Variants in NOTCH2NLR observed in about 807,000 individuals in gnomAD.
The protein encoded by NOTCH2NLR is notch 2 N-terminal like R (pseudogene).
Under a neutral mutation model 35.6 loss-of-function variants are expected in NOTCH2NLR, and 33 were observed. That is an observed-to-expected ratio of 0.93 (90% confidence interval 0.70 to 1.24). The LOEUF is 1.24. Ranked by LOEUF, NOTCH2NLR falls within the 50% of genes most tolerant of loss-of-function variation. The pLI is 0.00. For missense variants in NOTCH2NLR, 276 were observed against 362.2 expected, an observed-to-expected ratio of 0.76 and a Z score of 1.93; for synonymous variants, 103 against 141.0, an observed-to-expected ratio of 0.73 and a Z score of 1.91.
At chr1:120,729,654 C>A (rs1650855215) in intron 1 of NOTCH2NLR, among the ~76,000 whole-genome samples, 1 of 119,506 alleles carries the variant, frequency 8.4e-6, no homozygotes, top group Non-Finnish European at 1.6e-5. Context: ...TGTTTCATAC[C>A]TCCCTGCACA....
chr1:120,790,535 C>CTTTTCTTT (rs1553268602), intron 3 of NOTCH2NLR, among the ~76,000 whole-genome samples: 1 of 76,630 alleles, frequency 1.3e-5, no homozygotes, highest in South Asian at 3.9e-4. Context: ...TTTCTCCCTC[C>CTTTTCTTT]CTTTCTTTCT....
chr1:120,759,033 T>C (rs1651105616), intron 1 of NOTCH2NLR, among the ~76,000 whole-genome samples: 1 of 108,832 alleles, frequency 9.2e-6, no homozygotes, highest in African/African-American at 5.8e-5. Context: ...CTTTCTCTTA[T>C]AGAAATAAGG....
chr1:120,764,263 A>T (rs1313145329), intron 2 of NOTCH2NLR, among the ~76,000 whole-genome samples: 2 of 110,756 alleles, frequency 1.8e-5, no homozygotes, highest in South Asian at 2.6e-4. Context: ...AAATAAAAAA[A>T]ATATATAAAA....
chr1:120,776,396 C>T (rs1651307028), intron 2 of NOTCH2NLR, among the ~76,000 whole-genome samples: 1 of 62,242 alleles, frequency 1.6e-5, no homozygotes, highest in Non-Finnish European at 2.7e-5. Context: ...AAGTAGTGTA[C>T]TATAGCATTT....
intron 2 of NOTCH2NLR, among the ~76,000 whole-genome samples, chr1:120,778,606 G>GTT (rs1295507724): frequency 0.034 from 552 of 16,300 alleles, 103 homozygotes; most frequent in African/African-American, 0.19. Context: ...CCAAATCCTC[G>GTT]TTTTAAAAAA....
At chr1:120,763,645 G>A in exon 2 of NOTCH2NLR, 1 of 1,401,504 alleles carries the variant, frequency 7.1e-7, no homozygotes, top group Non-Finnish European at 9.6e-7. Flanking sequence ...GTGTCGAGAT[G>A]GCTATGAACC....
At chr1:120,790,535 C>CCTTTCTTTCTCT (rs1553268603) in intron 3 of NOTCH2NLR, among the ~76,000 whole-genome samples, 2 of 76,630 alleles carry the variant, frequency 2.6e-5, no homozygotes, top group Non-Finnish European at 4.6e-5. Flanking sequence ...TTTCTCCCTC[C>CCTTTCTTTCTCT]CTTTCTTTCT....
At chr1:120,764,295 G>C (rs1651165997) in intron 2 of NOTCH2NLR, among the ~76,000 whole-genome samples, 1 of 105,998 alleles carries the variant, frequency 9.4e-6, no homozygotes, top group Non-Finnish European at 1.8e-5. Context: ...AGATTCCCTT[G>C]TGTTTTTCAG....
chr1:120,728,690 A>T lies in NOTCH2NLR; in HGVS notation c.73+4440A>T, dbSNP rs1297150149. Among the ~76,000 whole-genome samples, 2 of 117,460 alleles carry T rather than the reference A, an allele frequency of 1.7e-5. 1 individual carries two copies. Among genetic ancestry groups the T allele is most frequent in the African/African-American group, 9.9e-5 (2 of 20,144 alleles). The allele number at this position is 117,460 out of a possible 152,430, so 77.1% of individuals were successfully genotyped here. A position where few individuals can be genotyped will look rare whatever the true frequency, so the allele number is the denominator to read the frequency against. On this transcript the variant is annotated intron_variant, in intron 1 of 4. Coordinates refer to ENST00000624419, the Ensembl canonical transcript of NOTCH2NLR. The stretch of plus-strand genomic sequence containing the variant: ...AGTCATTTTTGGAATACTATTTTTA[A>T]AATTAGAGTTAACTAAGTTTATATT...
intron 1 of NOTCH2NLR, among the ~76,000 whole-genome samples, chr1:120,743,875 G>T: frequency 8.4e-6 from 1 of 119,308 alleles, no homozygotes; most frequent in South Asian, 2.5e-4. Flanking sequence ...ATATTAGAGT[G>T]GTTGTTTCAG....
intron 2 of NOTCH2NLR, among the ~76,000 whole-genome samples, chr1:120,770,627 CAT>C (rs1423168429): frequency 8.2e-6 from 1 of 121,276 alleles, no homozygotes; most frequent in Non-Finnish European, 1.6e-5. Flanking sequence ...CTTTAGTCCT[CAT>C]GTGAGAGAGA....
At chr1:120,793,338 G>C in exon 4 of NOTCH2NLR, 1 of 1,405,992 alleles carries the variant, frequency 7.1e-7, no homozygotes, top group Non-Finnish European at 9.5e-7. Flanking sequence ...GGTGGCACCT[G>C]CCTCAACCTG....
chr1:120,724,231 C>G, exon 1 of NOTCH2NLR: 1 of 1,404,860 alleles, frequency 7.1e-7, no homozygotes, highest in South Asian at 1.3e-5. Context: ...TCTGGCTGTG[C>G]TGGGCGGCCC....
At chr1:120,765,781 G>A (rs1334585599) in intron 2 of NOTCH2NLR, among the ~76,000 whole-genome samples, 2 of 127,940 alleles carry the variant, frequency 1.6e-5, no homozygotes, top group African/African-American at 3.4e-5. Context: ...ATGTATACAC[G>A]ATGGAATACT....
intron 2 of NOTCH2NLR, among the ~76,000 whole-genome samples, chr1:120,784,427 G>C: frequency 8.6e-6 from 1 of 116,878 alleles, no homozygotes; most frequent in Non-Finnish European, 1.6e-5. Context: ...TATTCTTGCT[G>C]TTTCTCAAAC....
rs1651164538 is a variant in NOTCH2NLR, at chr1:120,764,208, T to C, written c.155+499T>C. Among the ~76,000 whole-genome samples, 2 of 115,288 alleles carry C rather than the reference T, an allele frequency of 1.7e-5. 1 individual carries two copies. Among genetic ancestry groups the C allele is most frequent in the African/African-American group, 9.8e-5 (2 of 20,308 alleles). 75.6% of individuals were successfully genotyped at this position (115,288 alleles called of 152,430 possible). ...GTTGCAGTGAGCTGAGACCACATCATTGCACTCTAGCCTGGGTGACAGAGC... is the reference window on the plus strand; with the variant it reads ...GTTGCAGTGAGCTGAGACCACATCACTGCACTCTAGCCTGGGTGACAGAGC... On this transcript the variant is annotated intron_variant, in intron 2 of 4. Coordinates refer to ENST00000624419, the Ensembl canonical transcript of NOTCH2NLR.
intron 2 of NOTCH2NLR, among the ~76,000 whole-genome samples, chr1:120,778,633 G>T (rs1651328445): frequency 2.0e-5 from 1 of 50,726 alleles, no homozygotes; most frequent in Non-Finnish European, 3.2e-5. Context: ...AAAAAAAAAA[G>T]CTAAAGACAG....
rs2101465029 is a variant in NOTCH2NLR at position 120,790,210 on chromosome 1, T to G, written c.416-2951T>G. On this transcript the variant is annotated intron_variant, in intron 3 of 4. Coordinates refer to ENST00000624419, the Ensembl canonical transcript of NOTCH2NLR. ...TTTGTATTTTTAGTAGAGATGGGCT[T>G]TCACCTTGTTAGCCAGAATGGTCTG... is the stretch of plus-strand genomic sequence containing the variant. 1.9e-5 allele frequency among the ~76,000 whole-genome samples: 2 copies of G among 104,522 alleles called. 1 individual carries two copies. The highest frequency in any genetic ancestry group is 4.6e-4 in the East Asian group (2 of 4,338). The allele number at this position is 104,522 out of a possible 152,430, so 68.6% of individuals were successfully genotyped here.
intron 1 of NOTCH2NLR, among the ~76,000 whole-genome samples, chr1:120,737,887 G>GA (rs1676284073): frequency 1.1e-5 from 1 of 93,546 alleles, no homozygotes; most frequent in African/African-American, 6.0e-5. Flanking sequence ...TTTGTTTTAA[G>GA]AAAAAATTCC....
Sources: gnomAD v4.1 joint callset for allele counts (sites outside exome capture counted in the v4.1 genomes callset) on GRCh38, gnomAD v4.1.1 for gene constraint, MANE v1.5 for transcripts, NCBI Gene and HGNC (gene_info 2026-07-23, HGNC 2026-07-21) for gene names.